Variants in TRMO observed in about 807,000 individuals in gnomAD.
TRMO encodes tRNA (adenine(37)-N6)-methyltransferase.
TRMO carries 30 observed loss-of-function variants against 37.2 expected under a neutral mutation model. The observed-to-expected ratio is 0.81, with a 90% CI of 0.60 to 1.09. The LOEUF (loss-of-function observed/expected upper bound fraction) is 1.09. Among genes scored for constraint, TRMO ranks in the 50% least tolerant of loss-of-function variants. The pLI is 0.00. For synonymous variants in TRMO, 239 were observed against 199.4 expected (o/e 1.20, Z -1.67); for missense variants, 552 against 549.5 (o/e 1.00, Z -0.05).
Position 97,904,970 on chromosome 9 carries a change from T to TTA in TRMO, c.1088_1089insTA (p.Lys363AsnfsTer40). ...TTGCTTCCTCTGCTGACTGAAAATA[T>TTA]TTAAATGACGCCTGACCAACATCTG... is the stretch of plus-strand genomic sequence containing the variant. On this transcript the variant is annotated frameshift_variant, in exon 5 of 5. Coordinates refer to ENST00000375119, the MANE Select transcript of TRMO (RefSeq NM_016481.5). LOFTEE classifies it high-confidence loss of function. The TTA allele has an allele frequency of 1.2e-6, 2 of 1,613,740 alleles. No individual in the cohort carries two copies. Among genetic ancestry groups the TTA allele is most frequent in the Non-Finnish European group, 1.7e-6 (2 of 1,179,654 alleles).
intron 3 of TRMO, chr9:97,911,109 T>A: frequency 3.3e-6 from 1 of 303,330 alleles, no homozygotes; most frequent in Non-Finnish European, 6.7e-6. Flanking sequence ...GGCAAACAGA[T>A]CCAAAAGTGG....
At position 97,910,398 on chromosome 9, in the gene TRMO, G is replaced by C. The variant is rs1017890055; in HGVS notation, c.628C>G (p.Gln210Glu). Reference protein sequence around the residue: ...QRQLSGCDEPQPHHSTKRKPK... With the variant: ...QRQLSGCDEPEPHHSTKRKPK... ...TTCCTCTTAGTGCTATGGTGGGGTTGTGGCTCATCACACCCTGAGAGCTGT... is the reference window on the plus strand; with the variant it reads ...TTCCTCTTAGTGCTATGGTGGGGTTCTGGCTCATCACACCCTGAGAGCTGT... Residue 210 changes from glutamine (Q) to glutamate (E), a missense_variant, in exon 4 of 5, where the codon CAA becomes GAA. Coordinates refer to ENST00000375119, the MANE Select transcript of TRMO (RefSeq NM_016481.5). 1.4e-5 allele frequency: 23 copies of C among 1,614,082 alleles called. No homozygotes were observed. The highest frequency in any genetic ancestry group is 2.7e-5 in the African/African-American group (2 of 74,932).
chr9:97,913,534 A>G lies in TRMO; in HGVS notation c.276T>C (p.Asn92=), dbSNP rs1127703. Residue 92 remains asparagine, a synonymous_variant, in exon 3 of 5, where the codon AAT becomes AAC. Transcript: ENST00000375119. Reference sequence around the variant, plus strand: ...CTTTTGCCTTACAGCTCAAATGACCATTTTTGTGAAAAACAAACAAAATCC... The same window carrying G: ...CTTTTGCCTTACAGCTCAAATGACCGTTTTTGTGAAAAACAAACAAAATCC... ...HVWILFVFHK[N]GHLSCKAKVQ... 386,152 of 1,606,702 alleles carry G rather than the reference A, an allele frequency of 0.24. 49,225 individuals carry two copies. The highest frequency in any genetic ancestry group is 0.26 in the Non-Finnish European group (310,967 of 1,175,288).
At position 97,913,495 on chromosome 9, in the gene TRMO, C is replaced by T. The variant is rs77668890; in HGVS notation, c.315G>A (p.Arg105=). 4,268 of 1,614,036 alleles carry T rather than the reference C, an allele frequency of 2.6e-3. 98 individuals are homozygous for T. In the East Asian group the frequency reaches 0.063, roughly 24 times the overall value. ...AAACTCCAGTCTTTGCACCATTCAGCCTAGGAGGCTGCACTTTTGCCTTAC... is the reference window on the plus strand; with the variant it reads ...AAACTCCAGTCTTTGCACCATTCAGTCTAGGAGGCTGCACTTTTGCCTTAC... The part of the protein sequence containing the change: ...LSCKAKVQPP[R]LNGAKTGVFS... The change falls in exon 3 of 5, where the codon AGG becomes AGA. Residue 105 remains arginine, a synonymous_variant. Transcript: ENST00000375119.
intron 3 of TRMO, 78 bp from the exon 4 acceptor site, chr9:97,910,694 A>G: frequency 6.6e-7 from 1 of 1,514,516 alleles, no homozygotes; most frequent in Non-Finnish European, 8.9e-7. Context: ...ATCCTCTAAC[A>G]CTGTCTGCTT....
In TRMO at chr9:97,913,481, T is replaced by A. The variant is rs746580178; in HGVS notation, c.329A>T (p.Lys110Met). 6.2e-7 allele frequency: 1 copy of A among 1,614,124 alleles called. No individual in the cohort carries two copies. The highest frequency in any genetic ancestry group is 8.5e-7 in the Non-Finnish European group (1 of 1,180,000). The change falls in exon 3 of 5, where the codon AAG (lysine) becomes ATG (methionine). Residue 110 changes from lysine (K) to methionine (M), a missense_variant. Coordinates refer to ENST00000375119, the MANE Select transcript of TRMO (RefSeq NM_016481.5). ...KVQPPRLNGA[K>M]TGVFSTRSPH... ...GCTCCTTGTGGAAAAAACTCCAGTCTTTGCACCATTCAGCCTAGGAGGCTG... is the reference window on the plus strand; with the variant it reads ...GCTCCTTGTGGAAAAAACTCCAGTCATTGCACCATTCAGCCTAGGAGGCTG...
chr9:97,910,509 A>C lies in TRMO; in HGVS notation c.517T>G (p.Leu173Val). The C allele has an allele frequency of 1.9e-6, 3 of 1,614,204 alleles. No individual in the cohort carries two copies. The highest frequency in any genetic ancestry group is 1.7e-6 in the Non-Finnish European group (2 of 1,180,036). Residue 173 changes from leucine (L) to valine (V), a missense_variant, in exon 4 of 5, where the codon TTA becomes GTA. Transcript: ENST00000375119. ...TTATTCTGTAAATTAAAGTCTGCTA[A>C]AGGCTCCATCACATTTTGCGGTGAG... is the stretch of plus-strand genomic sequence containing the variant. Reference protein sequence around the residue: ...YDSPQNVMEPLADFNLQNNQH... With the variant: ...YDSPQNVMEPVADFNLQNNQH...
intron 1 of TRMO, 149 bp from the exon 2 acceptor site, chr9:97,916,487 C>CG: frequency 1.7e-6 from 1 of 600,158 alleles, no homozygotes; most frequent in Non-Finnish European, 2.9e-6. Flanking sequence ...TTCATGAATA[C>CG]GTATAAGTAT....
At position 97,922,391 on chromosome 9, in the gene TRMO, T is replaced by C. The variant is rs777876778; in HGVS notation, c.76+27A>G. 1.3e-5 allele frequency: 19 copies of C among 1,477,484 alleles called. No homozygotes were observed. The Admixed American group carries it at 3.5e-4, about 27-fold the overall frequency. The allele number at this position is 1,477,484 out of a possible 1,614,324, so 91.5% of individuals were successfully genotyped here. On this transcript the variant is annotated intron_variant, in intron 1 of 4. Coordinates refer to ENST00000375119, the MANE Select transcript of TRMO (RefSeq NM_016481.5). ...TGCCTGGGCCTAAACCTCTCCAGAGTGTGGCACCGCCGGTGTTGGAAGTTA... is the reference window on the plus strand; with the variant it reads ...TGCCTGGGCCTAAACCTCTCCAGAGCGTGGCACCGCCGGTGTTGGAAGTTA...
At chr9:97,916,705 C>CTTTTTTT (rs555924368) in intron 1 of TRMO, among the ~76,000 whole-genome samples, 16 of 124,610 alleles carry the variant, frequency 1.3e-4, no homozygotes, top group East Asian at 2.2e-4. Flanking sequence ...GTATTTCTTT[C>CTTTTTTT]TTTTTTTTTT....
downstream of TRMO, among the ~76,000 whole-genome samples, chr9:97,902,548 C>T (rs760950714): frequency 1.3e-5 from 2 of 152,136 alleles, no homozygotes; most frequent in Non-Finnish European, 2.9e-5. Flanking sequence ...ATGATCCACC[C>T]GCCTCCGCCT....
downstream of TRMO, among the ~76,000 whole-genome samples, chr9:97,902,851 T>C (rs961270032): frequency 1.3e-5 from 2 of 152,250 alleles, no homozygotes; most frequent in African/African-American, 4.8e-5. Context: ...ACTATAGTTA[T>C]GTAAGATGGA....
rs117751384 is a variant in TRMO at position 97,907,133 on chromosome 9, C to T, written c.1067-2141G>A. Among the ~76,000 whole-genome samples, 3 of 152,342 alleles carry T rather than the reference C, an allele frequency of 2.0e-5. No homozygotes were observed. The East Asian group carries it at 5.8e-4, about 29-fold the overall frequency. ...AAGCCTTAGGAGCCAAAGAGAAGCACAACCCTCAAGTGGCATCACCACTCA... is the reference window on the plus strand; with the variant it reads ...AAGCCTTAGGAGCCAAAGAGAAGCATAACCCTCAAGTGGCATCACCACTCA... On this transcript the variant is annotated intron_variant, in intron 4 of 4. Coordinates refer to ENST00000375119, the MANE Select transcript of TRMO (RefSeq NM_016481.5).
intron 2 of TRMO, 90 bp downstream of exon 2, chr9:97,916,073 TG>T: frequency 2.3e-6 from 2 of 877,648 alleles, no homozygotes; most frequent in Non-Finnish European, 3.5e-6. Context: ...GTGGTCTGGA[TG>T]GCAGACTCCA....
intron 2 of TRMO, among the ~76,000 whole-genome samples, chr9:97,915,065 T>A (rs1480085202): frequency 6.6e-6 from 1 of 152,206 alleles, no homozygotes; most frequent in South Asian, 2.1e-4. Context: ...CAAATTGACA[T>A]GAAAAATAAA....
rs1212660611 is a variant in TRMO, at chr9:97,913,438, T to G, written c.372A>C (p.Ala124=). Residue 124 remains alanine (A), a synonymous_variant, in exon 3 of 5, where the codon GCA becomes GCC. Coordinates refer to ENST00000375119, the MANE Select transcript of TRMO (RefSeq NM_016481.5). ...CCAGCTTGGCCAGGGTCAGTCCTAT[T>G]GCATTGGGACGATGAGGGCTCCTTG... ...FSTRSPHRPN[A]IGLTLAKLEK... is the part of the protein sequence containing the mutation. 1.9e-6 allele frequency: 3 copies of G among 1,614,032 alleles called. No homozygotes were observed. Among genetic ancestry groups the G allele is most frequent in the Non-Finnish European group, 2.5e-6 (3 of 1,179,938 alleles).
chr9:97,917,169 T>A (rs555367719), intron 1 of TRMO, among the ~76,000 whole-genome samples: 25 of 152,316 alleles, frequency 1.6e-4, no homozygotes, highest in Admixed American at 1.6e-3. Flanking sequence ...GGGAACAAGC[T>A]ATTTTGATTG....
chr9:97,911,872 T>C (rs1826140146), intron 3 of TRMO: 1 of 152,206 alleles, frequency 6.6e-6, no homozygotes, highest in Non-Finnish European at 1.5e-5. Context: ...CGTCTCCATT[T>C]AAGAAAAACG....
rs1209623093 is a variant in TRMO at position 97,915,938 on chromosome 9, G to A, written c.251+226C>T. ...CACCTGCGGTCCCAGCTACTCAGGA[G>A]GCTGAGGTGGAAGGATACCTTGAGC... On this transcript the variant is annotated intron_variant, in intron 2 of 4. Transcript: ENST00000375119. The A allele has an allele frequency of 5.8e-5, 20 of 347,500 alleles. No individual in the cohort carries two copies. The East Asian group carries it at 8.8e-4, about 15-fold the overall frequency. The allele number at this position is 347,500 out of a possible 1,614,324, so 21.5% of individuals were successfully genotyped here.
Sources: gnomAD v4.1 joint callset for allele counts (sites outside exome capture counted in the v4.1 genomes callset) on GRCh38, gnomAD v4.1.1 for gene constraint, MANE v1.5 for transcripts, NCBI Gene and HGNC (gene_info 2026-07-23, HGNC 2026-07-21) for gene names.